Variants in CC2D1A observed in about 807,000 individuals in gnomAD.
The protein encoded by CC2D1A is coiled-coil and C2 domain containing 1A.
Under a neutral mutation model 123.8 loss-of-function variants are expected in CC2D1A, and 68 were observed. The ratio of observed to expected loss-of-function variants is 0.55; its 90% confidence interval spans 0.45 to 0.67. CC2D1A has a LOEUF of 0.67. Ranked by LOEUF, CC2D1A falls within the 30% of genes least tolerant of loss-of-function variation. CC2D1A has a pLI of 0.00. For synonymous variants in CC2D1A, 477 were observed against 528.0 expected, an observed-to-expected ratio of 0.90 and a Z score of 1.32; for missense variants, 1,185 against 1,290.3, an observed-to-expected ratio of 0.92 and a Z score of 1.25.
Position 13,906,582 on chromosome 19 carries a change from G to T in CC2D1A, c.60+81G>T, listed in dbSNP as rs946432528. On this transcript the variant is annotated intron_variant, in intron 1 of 28. Coordinates refer to ENST00000318003, the MANE Select transcript of CC2D1A (RefSeq NM_017721.5). This position sits in a 1 kb window ranked among gnomAD's most constrained non-coding sequence, Gnocchi z 4.1. ...CTCAGGGAAGGGCCCCACCCCCCAG[G>T]GAAGCCCGATCTCCGCCCCACAGGT... 3.0e-4 allele frequency: 272 copies of T among 897,912 alleles called. No individual in the cohort carries two copies. The African/African-American group carries it at 4.2e-3, about 14-fold the overall frequency. 55.6% of individuals were successfully genotyped at this position (897,912 alleles called of 1,614,324 possible).
chr19:13,927,607 T>C (rs1971689847), intron 22 of CC2D1A: 1 of 455,300 alleles, frequency 2.2e-6, no homozygotes, highest in Non-Finnish European at 4.0e-6. Flanking sequence ...TGAAACCCTG[T>C]TTCTACTAAA....
intron 6 of CC2D1A, among the ~76,000 whole-genome samples, chr19:13,917,425 A>C (rs1971244770): frequency 6.6e-6 from 1 of 152,172 alleles, no homozygotes; most frequent in East Asian, 1.9e-4. Context: ...TGAGCAGCAG[A>C]GCAAGACTCT....
chr19:13,926,045 C>CGTATATATATGTGTATATATATATAT (rs1568419032), intron 17 of CC2D1A, among the ~76,000 whole-genome samples: 18 of 108,136 alleles, frequency 1.7e-4, no homozygotes, highest in East Asian at 7.4e-4. Flanking sequence ...TATATATATA[C>CGTATATATATGTGTATATATATATAT]ACGTATATAT....
Position 13,913,297 on chromosome 19 carries a change from C to T in CC2D1A, c.508C>T (p.Leu170Phe), listed in dbSNP as rs1971070708. The T allele has an allele frequency of 6.2e-7, 1 of 1,611,990 alleles. No individual in the cohort carries two copies. Among genetic ancestry groups the T allele is most frequent in the African/African-American group, 1.3e-5 (1 of 74,972 alleles). Residue 170 changes from leucine to phenylalanine, a missense_variant, in exon 5 of 29, where the codon CTT becomes TTT. Leu to Phe is a conservative substitution (Grantham distance 22). Transcript: ENST00000318003. Reference protein sequence around the residue: ...SAKMRRYDRGLKTLENLLASI... With the variant: ...SAKMRRYDRGFKTLENLLASI... Reference sequence around the variant, plus strand: ...CAAGATGCGGCGCTACGATCGGGGGCTTAAAGTAAGTGGGCAGAGGGCAGG... The same window carrying T: ...CAAGATGCGGCGCTACGATCGGGGGTTTAAAGTAAGTGGGCAGAGGGCAGG...
At chr19:13,918,459 C>T (rs1290009300) in intron 7 of CC2D1A, 45 bp from the exon 8 acceptor site, 2 of 1,577,138 alleles carry the variant, frequency 1.3e-6, no homozygotes, top group South Asian at 1.2e-5. Context: ...AGGGTCCAAG[C>T]CCCCAACTGC....
At chr19:13,908,854 C>T (rs1246379461) in intron 1 of CC2D1A, among the ~76,000 whole-genome samples, 1 of 151,926 alleles carries the variant, frequency 6.6e-6, no homozygotes, top group Non-Finnish European at 1.5e-5. Context: ...TCCTTCCCTC[C>T]CTCCCTCGCT....
At chr19:13,907,122 T>C (rs1422262365) in intron 1 of CC2D1A, among the ~76,000 whole-genome samples, 1 of 152,178 alleles carries the variant, frequency 6.6e-6, no homozygotes, top group Non-Finnish European at 1.5e-5. Flanking sequence ...GAGCCTCAGC[T>C]TTCTCATCTG....
At position 13,919,933 on chromosome 19, in the gene CC2D1A, G is replaced by C; in HGVS notation, c.1338G>C (p.Glu446Asp). The C allele has an allele frequency of 6.2e-7, 1 of 1,612,820 alleles. No homozygotes were observed. Among genetic ancestry groups the C allele is most frequent in the Non-Finnish European group, 8.5e-7 (1 of 1,179,536 alleles). ...AGGATGAAGGCCCAGAGGATGAAGA[G>C]GATGAGGTGCCTAAGAAGGTTTGAG... Reference protein sequence around the residue: ...ANQDEGPEDEEDEVPKKQNSP... With the variant: ...ANQDEGPEDEDDEVPKKQNSP... Residue 446 changes from glutamate (E) to aspartate (D), a missense_variant, in exon 12 of 29, where the codon GAG (glutamate) becomes GAC (aspartate). Transcript: ENST00000318003.
chr19:13,927,838 G>A (rs915696229), intron 22 of CC2D1A, 55 bp from the exon 23 acceptor site: 2 of 1,577,894 alleles, frequency 1.3e-6, no homozygotes, highest in African/African-American at 2.7e-5. Context: ...TCCTGGCCCT[G>A]GGCCTCTAGT....
At chr19:13,928,313 AC>A in intron 24 of CC2D1A, 125 bp downstream of exon 24, 1 of 786,058 alleles carries the variant, frequency 1.3e-6, no homozygotes, top group South Asian at 1.8e-5. Context: ...CTTTCTTGGC[AC>A]CCCTTTTCCC....
intron 11 of CC2D1A, 21 bp from the exon 12 acceptor site, chr19:13,919,797 A>T: frequency 6.3e-7 from 1 of 1,575,062 alleles, no homozygotes; most frequent in Non-Finnish European, 8.7e-7. Flanking sequence ...CACAATAACC[A>T]GGCCTCGACT....
At chr19:13,912,643 C>G in intron 4 of CC2D1A, 50 bp downstream of exon 4, 1 of 1,591,164 alleles carries the variant, frequency 6.3e-7, no homozygotes, top group Non-Finnish European at 8.6e-7. Flanking sequence ...AACGGACAGC[C>G]CGGGGTTCAA....
chr19:13,907,505 T>C (rs1276592764), intron 1 of CC2D1A, among the ~76,000 whole-genome samples: 1 of 151,724 alleles, frequency 6.6e-6, no homozygotes, highest in Non-Finnish European at 1.5e-5. Flanking sequence ...AAACCCCATC[T>C]CTACTAAAAA....
rs1285586025 is a variant in CC2D1A, at chr19:13,913,258, G to A, written c.469G>A (p.Ala157Thr). The A allele has an allele frequency of 6.2e-7, 1 of 1,613,754 alleles. No individual in the cohort carries two copies. Among genetic ancestry groups the A allele is most frequent in the Non-Finnish European group, 8.5e-7 (1 of 1,179,910 alleles). ...GACAGCAATTGAAAGCGCCAGACAA[G>A]CTGGAGACAGCGCCAAGATGCGGCG... ...YQTAIESARQAGDSAKMRRYD... is the reference protein window; with the variant it reads ...YQTAIESARQTGDSAKMRRYD... The change falls in exon 5 of 29, where the codon GCT becomes ACT. Residue 157 changes from alanine to threonine, a missense_variant. Physicochemically the swap from Ala to Thr is moderately conservative, Grantham distance 58. Coordinates refer to ENST00000318003, the MANE Select transcript of CC2D1A (RefSeq NM_017721.5).
rs768143902 is a variant in CC2D1A, at chr19:13,929,559, G to A, written c.2609G>A (p.Arg870Gln). ...ATCCTGGCCCTCAGGCAGGCGCGGCGGCCGGTGCCCCCAGAAGTGGCCCAG... is the reference window on the plus strand; with the variant it reads ...ATCCTGGCCCTCAGGCAGGCGCGGCAGCCGGTGCCCCCAGAAGTGGCCCAG... Reference protein sequence around the residue: ...RKILALRQARRPVPPEVAQQY... With the variant: ...RKILALRQARQPVPPEVAQQY... Residue 870 changes from arginine (R) to glutamine (Q), a missense_variant, in exon 26 of 29, where the codon CGG (arginine) becomes CAG (glutamine). Physicochemically the swap from Arg to Gln is conservative, Grantham distance 43. Transcript: ENST00000318003. The A allele has an allele frequency of 1.4e-5, 22 of 1,610,638 alleles. No homozygotes were observed. Among genetic ancestry groups the A allele is most frequent in the South Asian group, 3.3e-5 (3 of 90,932 alleles).
Position 13,918,141 on chromosome 19 carries a change from G to A in CC2D1A, c.820G>A (p.Ala274Thr), listed in dbSNP as rs781155196. 12 of 1,610,284 alleles carry A rather than the reference G, an allele frequency of 7.5e-6. No homozygotes were observed. The African/African-American group carries it at 9.4e-5, about 13-fold the overall frequency. Reference sequence around the variant, plus strand: ...CGACTACAAGCTGGCTGCCCTCCACGCCAAGCAGCAGGGAGATACCACTGC... The same window carrying A: ...CGACTACAAGCTGGCTGCCCTCCACACCAAGCAGCAGGGAGATACCACTGC... ...QRDYKLAALH[A>T]KQQGDTTAAA... Residue 274 changes from alanine to threonine, a missense_variant, in exon 7 of 29, where the codon GCC becomes ACC. By Grantham distance (58) the Ala-to-Thr change is moderately conservative. Transcript: ENST00000318003.
chr19:13,913,580 A>T lies in CC2D1A; in HGVS notation c.690A>T (p.Gly230=), dbSNP rs753317422. 18 of 1,613,608 alleles carry T rather than the reference A, an allele frequency of 1.1e-5. No individual in the cohort carries two copies. The highest frequency in any genetic ancestry group is 8.3e-5 in the Admixed American group (5 of 59,950). The change falls in exon 6 of 29, where the codon GGA becomes GGT. Residue 230 remains glycine (G), a synonymous_variant. Transcript: ENST00000318003. ...SAPEPRVTLE[G]PSATAPASSP... is the part of the protein sequence containing the mutation. ...CAGAGCCCAGGGTCACCCTGGAGGG[A>T]CCTTCTGCCACCGCCCCAGCCTCAT...
At chr19:13,916,263 C>A (rs1257448789) in intron 6 of CC2D1A, among the ~76,000 whole-genome samples, 1 of 151,596 alleles carries the variant, frequency 6.6e-6, no homozygotes, top group Non-Finnish European at 1.5e-5. Flanking sequence ...TCTCAACAAA[C>A]AAACCAACCC....
At chr19:13,926,245 T>C (rs1971635758) in intron 17 of CC2D1A, among the ~76,000 whole-genome samples, 1 of 151,440 alleles carries the variant, frequency 6.6e-6, no homozygotes, top group Non-Finnish European at 1.5e-5. Flanking sequence ...GTGAAGGGAA[T>C]ATCACCCAGC....
Sources: allele counts gnomAD v4.1 joint callset (sites outside exome capture counted in the v4.1 genomes callset), GRCh38; gene constraint gnomAD v4.1.1; non-coding constraint Gnocchi (gnomAD v3.1); transcripts MANE v1.5; gene names NCBI Gene and HGNC (gene_info 2026-07-23, HGNC 2026-07-21).